LSM3: variants seen among roughly 807,000 people sequenced by gnomAD.
LSM3 encodes U6 snRNA-associated Sm-like protein LSm3.
In LSM3, 14 loss-of-function variants were observed where a neutral mutation model predicts 15.4. The observed-to-expected ratio is 0.91, with a 90% confidence interval of 0.60 to 1.42. The LOEUF is 1.42. LSM3 is among the 40% of genes most tolerant of loss of function. The pLI, the probability that LSM3 is intolerant of heterozygous loss-of-function variation, is 0.00. For synonymous variants in LSM3, 46 were observed against 45.1 expected, an observed-to-expected ratio of 1.02 and a Z score of -0.08; for missense variants, 88 against 127.9, an observed-to-expected ratio of 0.69 and a Z score of 1.50.
At chr3:14,191,165 T>G (rs1436533250) in intron 3 of LSM3, among the ~76,000 whole-genome samples, 1 of 152,166 alleles carries the variant, frequency 6.6e-6, no homozygotes, top group Non-Finnish European at 1.5e-5. Flanking sequence ...CTTTTTGAGG[T>G]GCTGCTGGGT....
rs2305843 is a variant in LSM3, at chr3:14,200,648, T to C, written c.*2532T>C. The C allele has an allele frequency of 0.23, 35,398 of 152,110 alleles. 5,477 individuals are homozygous for C. The highest frequency in any genetic ancestry group is 0.6 in the East Asian group (3,074 of 5,164). The allele number at this position is 152,110 out of a possible 1,614,324, so 9.4% of individuals were successfully genotyped here. A position where few individuals can be genotyped will look rare whatever the true frequency, so the allele number is the denominator to read the frequency against. ...CCCACAAAGAAAAATGGACAAAATA[T>C]GGGACCACATCTTTGAGATGAAATG... is the stretch of plus-strand genomic sequence containing the variant. On this transcript the variant is annotated 3_prime_UTR_variant, in exon 4 of 4. Transcript: ENST00000306024.
chr3:14,179,761 A>T (rs1012983269), intron 1 of LSM3, among the ~76,000 whole-genome samples: 1 of 152,248 alleles, frequency 6.6e-6, no homozygotes, highest in African/African-American at 2.4e-5. Context: ...AATGAGTTAG[A>T]TGATCAGAGG....
In LSM3 at chr3:14,184,013, C is replaced by CA; in HGVS notation, c.210dup (p.Tyr71IlefsTer2). 1 of 1,608,138 alleles carries CA rather than the reference C, an allele frequency of 6.2e-7. No homozygotes were observed. The highest frequency in any genetic ancestry group is 8.5e-7 in the Non-Finnish European group (1 of 1,178,574). On this transcript the variant is annotated frameshift_variant, in exon 3 of 4. Coordinates refer to ENST00000306024, the MANE Select transcript of LSM3 (RefSeq NM_014463.3). LOFTEE classifies it high-confidence loss of function. Reference sequence around the variant, plus strand: ...ACTACTATAGAAATTGATGAAGAAACATATGAAGAGATATATAAAGTAAGT... The same window carrying CA: ...ACTACTATAGAAATTGATGAAGAAACAATATGAAGAGATATATAAAGTAAGT...
chr3:14,189,629 G>T (rs1277998609), intron 3 of LSM3, among the ~76,000 whole-genome samples: 1 of 152,022 alleles, frequency 6.6e-6, no homozygotes, highest in Non-Finnish European at 1.5e-5. Context: ...CATATCCTTT[G>T]CCCATTTTTT....
Position 14,185,494 on chromosome 3 carries a change from G to A in LSM3, c.228+1462G>A, listed in dbSNP as rs75702581. ...TTTTTGCAAATCTCTTTAATGCCCCGCTTAATCGATAACAGCTAGAAGATT... is the reference window on the plus strand; with the variant it reads ...TTTTTGCAAATCTCTTTAATGCCCCACTTAATCGATAACAGCTAGAAGATT... On this transcript the variant is annotated intron_variant, in intron 3 of 3. Coordinates refer to ENST00000306024, the MANE Select transcript of LSM3 (RefSeq NM_014463.3). Among the ~76,000 whole-genome samples, 157 of 152,186 alleles carry A rather than the reference G, an allele frequency of 1.0e-3. 2 individuals are homozygous for A. The East Asian group carries it at 0.02, about 19-fold the overall frequency.
chr3:14,185,203 T>C (rs1697077373), intron 3 of LSM3, among the ~76,000 whole-genome samples: 1 of 151,656 alleles, frequency 6.6e-6, no homozygotes, highest in South Asian at 2.1e-4. Flanking sequence ...ATACAAAATA[T>C]TAGCCGGCCG....
chr3:14,190,012 A>G (rs939261476), intron 3 of LSM3, among the ~76,000 whole-genome samples: 19 of 152,318 alleles, frequency 1.2e-4, no homozygotes, highest in Admixed American at 1.0e-3. Context: ...AGTTTTCTGC[A>G]TATAGCTAGC....
At chr3:14,192,440 A>T (rs1697149251) in intron 3 of LSM3, among the ~76,000 whole-genome samples, 1 of 152,192 alleles carries the variant, frequency 6.6e-6, no homozygotes, top group Non-Finnish European at 1.5e-5. Context: ...GTCTCTAAGA[A>T]CTTGTTTTAT....
At chr3:14,185,133 C>G (rs1300697400) in intron 3 of LSM3, among the ~76,000 whole-genome samples, 1 of 152,004 alleles carries the variant, frequency 6.6e-6, no homozygotes, top group African/African-American at 2.4e-5. Flanking sequence ...GGTGGATCAC[C>G]TGAGGTCAGG....
At chr3:14,185,371 CAAAA>C (rs138222355) in intron 3 of LSM3, among the ~76,000 whole-genome samples, 2 of 150,454 alleles carry the variant, frequency 1.3e-5, no homozygotes, top group Non-Finnish European at 3.0e-5. Flanking sequence ...CAAAACAAAA[CAAAA>C]AAAAACCTAT....
chr3:14,191,072 T>A (rs185141845), intron 3 of LSM3, among the ~76,000 whole-genome samples: 23 of 152,328 alleles, frequency 1.5e-4, no homozygotes, highest in Non-Finnish European at 4.4e-5. Flanking sequence ...TGGTCCTGTT[T>A]ATGTGATGGG....
chr3:14,196,483 A>G (rs530558212), intron 3 of LSM3, among the ~76,000 whole-genome samples: 1 of 152,310 alleles, frequency 6.6e-6, no homozygotes, highest in African/African-American at 2.4e-5. Context: ...CCCCTCCCAC[A>G]TTTATGATAA....
chr3:14,180,821 CTTTTTTTTTTTTTT>C (rs1164090236), intron 1 of LSM3, among the ~76,000 whole-genome samples: 280 of 46,722 alleles, frequency 6.0e-3, no homozygotes, highest in Non-Finnish European at 8.8e-3. Flanking sequence ...GCTTGCTTGC[CTTTTTTTTTTTTTT>C]TTTTTTTTTT....
At chr3:14,191,212 G>A (rs183167454) in intron 3 of LSM3, among the ~76,000 whole-genome samples, 70 of 152,218 alleles carry the variant, frequency 4.6e-4, no homozygotes, top group Admixed American at 2.2e-3. Context: ...TTTTTGCATC[G>A]GTGTTCATCA....
rs1327136888 is a variant in LSM3, at chr3:14,180,759, TGTCAGGTCACA to T, written c.22-799_22-789del. Reference sequence around the variant, plus strand: ...ATGATTTTTAATCTCAGTTCATAAATGTCAGGTCACAGCCAGGAGTTGAACCCGGACTGCCT... The same window carrying T: ...ATGATTTTTAATCTCAGTTCATAAATGCCAGGAGTTGAACCCGGACTGCCT... On this transcript the variant is annotated intron_variant, in intron 1 of 3. Coordinates refer to ENST00000306024, the MANE Select transcript of LSM3 (RefSeq NM_014463.3). Among the ~76,000 whole-genome samples the T allele has an allele frequency of 7.5e-5, 11 of 146,514 alleles. No individual in the cohort carries two copies. The South Asian group carries it at 2.4e-3, about 32-fold the overall frequency.
At chr3:14,181,531 T>G in intron 1 of LSM3, 29 bp from the exon 2 acceptor site, 2 of 1,413,672 alleles carry the variant, frequency 1.4e-6, no homozygotes, top group Non-Finnish European at 2.0e-6. Context: ...ACTCTAGTAC[T>G]ACATTACTAA....
chr3:14,180,853 TTTTTA>T (rs1697030501), intron 1 of LSM3, among the ~76,000 whole-genome samples: 2 of 82,022 alleles, frequency 2.4e-5, no homozygotes, highest in Admixed American at 1.1e-4. Flanking sequence ...TTTTTTTTTT[TTTTTA>T]AAAAAAAAAA....
chr3:14,180,821 CTTTTTTTTTTTTTTTTTTTTT>C (rs1164090236), intron 1 of LSM3, among the ~76,000 whole-genome samples: 1 of 46,748 alleles, frequency 2.1e-5, no homozygotes, highest in Non-Finnish European at 4.1e-5. Context: ...GCTTGCTTGC[CTTTTTTTTTTTTTTTTTTTTT>C]TTTTTTTTTT....
intron 3 of LSM3, among the ~76,000 whole-genome samples, chr3:14,194,375 C>A (rs564209707): frequency 6.6e-6 from 1 of 152,336 alleles, no homozygotes; most frequent in Non-Finnish European, 1.5e-5. Flanking sequence ...GCCTTTTTTA[C>A]AGAGATGCCC....
Sources: allele counts gnomAD v4.1 joint callset (sites outside exome capture counted in the v4.1 genomes callset), GRCh38; gene constraint gnomAD v4.1.1; transcripts MANE v1.5; gene names NCBI Gene and HGNC (gene_info 2026-07-23, HGNC 2026-07-21).